The following ARFGEF3 variants were observed in gnomAD, a reference collection of about 807,000 sequenced individuals.
The protein encoded by ARFGEF3 is brefeldin A-inhibited guanine nucleotide-exchange protein 3.
Under a neutral mutation model 221.7 loss-of-function variants are expected in ARFGEF3, and 96 were observed. The ratio of observed to expected loss-of-function variants is 0.43; its 90% confidence interval spans 0.37 to 0.51. The LOEUF is 0.51. Ranked by LOEUF, ARFGEF3 falls within the 20% of genes least tolerant of loss-of-function variation. The pLI is 0.00. For missense variants in ARFGEF3, 2,410 were observed against 2,789.9 expected, an observed-to-expected ratio of 0.86 and a Z score of 3.07; for synonymous variants, 1,145 against 1,126.8, an observed-to-expected ratio of 1.02 and a Z score of -0.32.
At chr6:138,277,271 C>T (rs771770688) in intron 12 of ARFGEF3, among the ~76,000 whole-genome samples, 15 of 152,248 alleles carry the variant, frequency 9.9e-5, no homozygotes, top group East Asian at 7.7e-4. Context: ...GTTTTCAAGG[C>T]GCCTCTATGT....
intron 1 of ARFGEF3, 99 bp from the exon 2 acceptor site, chr6:138,170,563 A>G (rs1582992715): frequency 1.5e-6 from 1 of 673,210 alleles, no homozygotes; most frequent in Non-Finnish European, 2.6e-6. Flanking sequence ...TTATAATTAG[A>G]GGAATTCCTG....
At chr6:138,165,864 A>G (rs1562339718) in intron 1 of ARFGEF3, among the ~76,000 whole-genome samples, 1 of 152,214 alleles carries the variant, frequency 6.6e-6, no homozygotes, top group South Asian at 2.1e-4. Context: ...AGAAAGCTGG[A>G]CTTCTCCAGT....
chr6:138,240,820 A>T (rs1483438721), intron 6 of ARFGEF3, among the ~76,000 whole-genome samples: 2 of 152,178 alleles, frequency 1.3e-5, no homozygotes, highest in African/African-American at 2.4e-5. Flanking sequence ...TAAAGCTCTT[A>T]AAGTGGAATC....
At chr6:138,200,743 AC>A (rs1473783182) in intron 2 of ARFGEF3, among the ~76,000 whole-genome samples, 1 of 152,136 alleles carries the variant, frequency 6.6e-6, no homozygotes, top group East Asian at 1.9e-4. Flanking sequence ...CATTGGAAAA[AC>A]CCTTCTAGAC....
intron 22 of ARFGEF3, among the ~76,000 whole-genome samples, chr6:138,306,298 T>C (rs1187566680): frequency 6.6e-6 from 1 of 152,130 alleles, no homozygotes; most frequent in Non-Finnish European, 1.5e-5. Context: ...AAAACATTGC[T>C]GAGAGAAATT....
At chr6:138,190,052 C>G (rs571216197) in intron 2 of ARFGEF3, among the ~76,000 whole-genome samples, 1 of 151,336 alleles carries the variant, frequency 6.6e-6, no homozygotes, top group African/African-American at 2.4e-5. Context: ...CCACTGCACT[C>G]TAACCTGGGC....
intron 2 of ARFGEF3, among the ~76,000 whole-genome samples, chr6:138,171,326 A>C (rs1323096976): frequency 6.6e-6 from 1 of 152,038 alleles, no homozygotes; most frequent in African/African-American, 2.4e-5. Flanking sequence ...TCCATGGTAA[A>C]AGGATCAAAT....
At chr6:138,279,972 T>C (rs369713635) in intron 13 of ARFGEF3, 27 bp from the exon 14 acceptor site, 41 of 1,611,774 alleles carry the variant, frequency 2.5e-5, no homozygotes, top group Non-Finnish European at 3.2e-5. Flanking sequence ...TGTTATGTGG[T>C]CACCTTCTCA....
chr6:138,291,934 C>T lies in ARFGEF3; in HGVS notation c.3249C>T (p.Ser1083=). Residue 1083 remains serine, a synonymous_variant, in exon 19 of 34, where the codon TCC becomes TCT. Coordinates refer to ENST00000251691, the MANE Select transcript of ARFGEF3 (RefSeq NM_020340.5). The surrounding 1 kb of genome is among the most constrained non-coding windows in gnomAD (Gnocchi z 4.5). ...LSTAPVVQPL[S]IQDLVREGSR... is the part of the protein sequence containing the mutation. ...CGGCCCCTGTCGTCCAGCCCCTGTC[C>T]ATCCAGGACCTCGTCCGGGAAGGCA... 6.6e-7 allele frequency: 1 copy of T among 1,510,640 alleles called. No homozygotes were observed. Among genetic ancestry groups the T allele is most frequent in the South Asian group, 1.3e-5 (1 of 78,974 alleles). The allele number at this position is 1,510,640 out of a possible 1,614,324, so 93.6% of individuals were successfully genotyped here. A position where few individuals can be genotyped will look rare whatever the true frequency, so the allele number is the denominator to read the frequency against.
chr6:138,282,599 A>G (rs1247847987), intron 14 of ARFGEF3, among the ~76,000 whole-genome samples: 2 of 152,220 alleles, frequency 1.3e-5, no homozygotes, highest in Non-Finnish European at 2.9e-5. Context: ...TGGGTGGCAG[A>G]GTCCTCATCA....
rs114103832 is a variant in ARFGEF3 at position 138,287,592 on chromosome 6, A to T, written c.2896+408A>T. Among the ~76,000 whole-genome samples the T allele has an allele frequency of 6.5e-3, 985 of 152,324 alleles. 10 individuals carry two copies. Among genetic ancestry groups the T allele is most frequent in the African/African-American group, 0.022 (928 of 41,576 alleles). ...ATTAAGCAGACGAAGAAAATTCATG[A>T]GGGGAGGCTCAGGAAGAAGAGGCTC... On this transcript the variant is annotated intron_variant, in intron 17 of 33. Coordinates refer to ENST00000251691, the MANE Select transcript of ARFGEF3 (RefSeq NM_020340.5).
At chr6:138,290,084 A>G (rs928684121) in intron 18 of ARFGEF3, 116 bp downstream of exon 18, 2 of 983,884 alleles carry the variant, frequency 2.0e-6, no homozygotes, top group African/African-American at 3.3e-5. Flanking sequence ...TAAATCAATT[A>G]TAACAATTCA....
intron 22 of ARFGEF3, among the ~76,000 whole-genome samples, chr6:138,302,168 A>G (rs1779639554): frequency 1.3e-5 from 2 of 152,220 alleles, no homozygotes; most frequent in South Asian, 4.1e-4. Context: ...TGGGAGCCAG[A>G]GCCTTCAAAG....
At chr6:138,166,001 C>T (rs886786586) in intron 1 of ARFGEF3, among the ~76,000 whole-genome samples, 1 of 152,188 alleles carries the variant, frequency 6.6e-6, no homozygotes, top group African/African-American at 2.4e-5. Flanking sequence ...CTACAAGTTC[C>T]ACTGAAATCC....
At chr6:138,298,941 T>C (rs1779575758) in intron 22 of ARFGEF3, among the ~76,000 whole-genome samples, 156 bp downstream of exon 22, 1 of 152,156 alleles carries the variant, frequency 6.6e-6, no homozygotes, top group Admixed American at 6.5e-5. Flanking sequence ...GGCTCACACC[T>C]GTAATCCCAG....
intron 16 of ARFGEF3, 55 bp from the exon 17 acceptor site, chr6:138,287,019 G>A (rs1360794856): frequency 3.4e-5 from 53 of 1,560,436 alleles, no homozygotes; most frequent in Non-Finnish European, 4.3e-5. Context: ...GTTCTGCTAG[G>A]TGAATGGTTA....
At chr6:138,299,797 C>A (rs1161094196) in intron 22 of ARFGEF3, among the ~76,000 whole-genome samples, 1 of 152,168 alleles carries the variant, frequency 6.6e-6, no homozygotes, top group African/African-American at 2.4e-5. Flanking sequence ...AACAAACTTC[C>A]TGAGGATACT....
rs371654449 is a variant in ARFGEF3, at chr6:138,319,683, C to T, written c.4475-20C>T. On this transcript the variant is annotated intron_variant, in intron 27 of 33. Transcript: ENST00000251691. ...TCCCTTTTATTACAGGTTGTTGCTA[C>T]GCTGACTTTTCTTTTTCAGGACCAG... is the stretch of plus-strand genomic sequence containing the variant. The T allele has an allele frequency of 3.0e-4, 469 of 1,572,498 alleles. 1 individual carries two copies. Among genetic ancestry groups the T allele is most frequent in the African/African-American group, 1.4e-3 (105 of 72,674 alleles).
In ARFGEF3 at chr6:138,273,254, T is replaced by C. The variant is rs113251174; in HGVS notation, c.2129-5197T>C. ...TATACTCTTCAGTACTATTAAATGTTCTAAATTAATGTTTATCCAAAAAAG... is the reference window on the plus strand; with the variant it reads ...TATACTCTTCAGTACTATTAAATGTCCTAAATTAATGTTTATCCAAAAAAG... On this transcript the variant is annotated intron_variant, in intron 12 of 33. Transcript: ENST00000251691. Among the ~76,000 whole-genome samples, 246 of 152,332 alleles carry C rather than the reference T, an allele frequency of 1.6e-3. 1 individual carries two copies. The highest frequency in any genetic ancestry group is 2.3e-3 in the Non-Finnish European group (156 of 68,034).
Sources: allele counts gnomAD v4.1 joint callset (sites outside exome capture counted in the v4.1 genomes callset), GRCh38; gene constraint gnomAD v4.1.1; non-coding constraint Gnocchi (gnomAD v3.1); transcripts MANE v1.5; gene names NCBI Gene and HGNC (gene_info 2026-07-23, HGNC 2026-07-21).